Variants in TRIM37 observed in about 807,000 individuals in gnomAD.
TRIM37 encodes the protein tripartite motif containing 37, also known as E3 ubiquitin-protein ligase TRIM37.
Under a neutral mutation model 129.8 loss-of-function variants are expected in TRIM37, and 80 were observed. That is an observed-to-expected ratio of 0.62 (90% CI 0.51 to 0.74). The LOEUF is 0.74. Ranked by LOEUF, TRIM37 falls within the 30% of genes least tolerant of loss-of-function variation. The pLI, the probability that TRIM37 is intolerant of heterozygous loss-of-function variation, is 0.00. For missense variants in TRIM37, 1,054 were observed against 1,176.5 expected (o/e 0.90, Z 1.52); for synonymous variants, 389 against 387.1 (o/e 1.00, Z -0.06).
chr17:58,969,249 G>A, the TRIM37 span, among the ~76,000 whole-genome samples: 2 of 152,226 alleles, frequency 1.3e-5, no homozygotes, highest in South Asian at 4.1e-4. Context: ...ATGTACGTGG[G>A]TGGTTTCCAT....
Position 59,101,668 on chromosome 17 carries a change from AAAAAAAAAAAT to A in TRIM37, c.123+2614_123+2624del, listed in dbSNP as rs1359992908. On this transcript the variant is annotated intron_variant, in intron 2 of 23. Transcript: ENST00000262294. ...ACCCCATCTCTACAAAAAAAAAAAA[AAAAAAAAAAAT>A]ATATATATATATATATACACACACA... Among the ~76,000 whole-genome samples the A allele has an allele frequency of 3.3e-3, 396 of 119,066 alleles. 1 individual carries two copies. Among genetic ancestry groups the A allele is most frequent in the African/African-American group, 0.013 (353 of 27,670 alleles). The allele number at this position is 119,066 out of a possible 152,430, so 78.1% of individuals were successfully genotyped here.
chr17:59,084,667 C>T (rs987293005), intron 4 of TRIM37, among the ~76,000 whole-genome samples: 1 of 151,978 alleles, frequency 6.6e-6, no homozygotes, highest in African/African-American at 2.4e-5. Context: ...AAGCCTTAAC[C>T]CCCAGTGTGA....
downstream of TRIM37, among the ~76,000 whole-genome samples, chr17:58,979,673 T>C (rs1342400063): frequency 6.6e-6 from 1 of 152,190 alleles, no homozygotes; most frequent in African/African-American, 2.4e-5. Flanking sequence ...CTTTTAGATC[T>C]GACATTGTTG....
intron 17 of TRIM37, among the ~76,000 whole-genome samples, chr17:59,035,606 T>C (rs2038377291): frequency 6.6e-6 from 1 of 151,616 alleles, no homozygotes; most frequent in Admixed American, 6.6e-5. Flanking sequence ...AAAAATTAGC[T>C]GGCCGTGGTG....
At chr17:59,054,380 C>T (rs9912716) in intron 13 of TRIM37, among the ~76,000 whole-genome samples, 114 of 152,142 alleles carry the variant, frequency 7.5e-4, no homozygotes, top group African/African-American at 2.7e-3. Flanking sequence ...CGGCTCACTG[C>T]AACATCTGCC....
intron 15 of TRIM37, among the ~76,000 whole-genome samples, chr17:59,048,605 C>A (rs7207556): frequency 6.8e-6 from 1 of 147,906 alleles, no homozygotes; most frequent in Non-Finnish European, 1.5e-5. Context: ...TTTTTTTTTT[C>A]TTTTTCTTTG....
intron 18 of TRIM37, among the ~76,000 whole-genome samples, chr17:59,030,191 C>T (rs1230363297): frequency 1.3e-5 from 2 of 152,116 alleles, no homozygotes; most frequent in East Asian, 1.9e-4. Flanking sequence ...CTGCAACCTC[C>T]GACTCCCAGG....
At position 59,032,088 on chromosome 17, in the gene TRIM37, T is replaced by C. The variant is rs2037908343; in HGVS notation, c.1756A>G (p.Ser586Gly). Residue 586 changes from serine (S) to glycine (G), a missense_variant and splice_region_variant, in exon 18 of 24, where the codon AGT (serine) becomes GGT (glycine). Transcript: ENST00000262294. ...CTGGAACCCACATAACCATGGCTACTACCTGCAAAAGAGGCGTAGAAAATG... is the reference window on the plus strand; with the variant it reads ...CTGGAACCCACATAACCATGGCTACCACCTGCAAAAGAGGCGTAGAAAATG... The part of the protein sequence containing the change: ...EDAAAAGPAG[S>G]SHGYVGSSSR... 1.2e-6 allele frequency: 2 copies of C among 1,613,724 alleles called. No homozygotes were observed. The highest frequency in any genetic ancestry group is 3.5e-4 in the Middle Eastern group (2 of 5,748).
chr17:59,021,935 AAT>A (rs1257639129), intron 19 of TRIM37, among the ~76,000 whole-genome samples: 2 of 152,104 alleles, frequency 1.3e-5, no homozygotes, highest in Non-Finnish European at 2.9e-5. Context: ...AAAAATTAAA[AAT>A]ATGAGGAAAC....
chr17:59,018,384 A>C (rs773163678), intron 19 of TRIM37, among the ~76,000 whole-genome samples: 20 of 152,202 alleles, frequency 1.3e-4, no homozygotes, highest in Non-Finnish European at 2.2e-4. Flanking sequence ...TAAAAAATTC[A>C]TTAATAGGTA....
At chr17:58,968,996 T>C in the TRIM37 span, among the ~76,000 whole-genome samples, 2 of 152,192 alleles carry the variant, frequency 1.3e-5, no homozygotes, top group Non-Finnish European at 2.9e-5. Flanking sequence ...GAATGATTTA[T>C]GAAGAAGGTA....
Position 59,079,832 on chromosome 17 carries a change from G to A in TRIM37, c.538C>T (p.Arg180Trp), listed in dbSNP as rs752758559. Reference sequence around the variant, plus strand: ...ATCTCCACTGCATTCCTAATTTCCCGAACACGCTCATCTTTTGCATTTCTT... The same window carrying A: ...ATCTCCACTGCATTCCTAATTTCCCAAACACGCTCATCTTTTGCATTTCTT... ...AVRNAKDERV[R>W]EIRNAVEMMI... The change falls in exon 7 of 24, where the codon CGG (arginine) becomes TGG (tryptophan). Residue 180 changes from arginine (R) to tryptophan (W), a missense_variant. By Grantham distance (101) the Arg-to-Trp change is moderately radical (BLOSUM62 -3). Transcript: ENST00000262294. The A allele has an allele frequency of 5.6e-6, 9 of 1,613,868 alleles. No homozygotes were observed. Among genetic ancestry groups the A allele is most frequent in the Admixed American group, 3.3e-5 (2 of 59,992 alleles).
At chr17:59,032,537 A>AAC (rs1568030672) in intron 17 of TRIM37, among the ~76,000 whole-genome samples, 1 of 150,256 alleles carries the variant, frequency 6.7e-6, no homozygotes, top group Non-Finnish European at 1.5e-5. Context: ...GTCTCAAAAA[A>AAC]AAAAAAAAAA....
At chr17:59,037,557 C>CAAAAAAAAAAAAAAAAAAAAAA (rs58856834) in intron 17 of TRIM37, among the ~76,000 whole-genome samples, 9 of 74,028 alleles carry the variant, frequency 1.2e-4, no homozygotes, top group African/African-American at 3.5e-4. Flanking sequence ...GACTCTGTCT[C>CAAAAAAAAAAAAAAAAAAAAAA]AAAAAAAAAA....
chr17:59,052,371 ATC>A (rs1410503840), intron 13 of TRIM37, among the ~76,000 whole-genome samples: 2 of 152,126 alleles, frequency 1.3e-5, no homozygotes, highest in Admixed American at 6.5e-5. Context: ...GGACATCTAC[ATC>A]TCTCTCATTC....
At chr17:59,001,423 C>CAA (rs1417697011) in intron 23 of TRIM37, among the ~76,000 whole-genome samples, 175 bp downstream of exon 23, 1 of 145,694 alleles carries the variant, frequency 6.9e-6, no homozygotes, top group Non-Finnish European at 1.5e-5. Context: ...AATAGTTAAC[C>CAA]AAAGAATGTT....
chr17:59,085,468 T>C (rs543483947), intron 4 of TRIM37, among the ~76,000 whole-genome samples: 2 of 152,296 alleles, frequency 1.3e-5, no homozygotes, highest in South Asian at 2.1e-4. Context: ...TCATTACTAC[T>C]AATCACTAGA....
intron 3 of TRIM37, 58 bp from the exon 4 acceptor site, chr17:59,088,465 AT>A (rs1283410721): frequency 2.9e-6 from 3 of 1,051,192 alleles, no homozygotes; most frequent in Non-Finnish European, 4.5e-6. Context: ...ATTTTATAAA[AT>A]AAATACGTTT....
chr17:59,063,052 A>C (rs1452110721), intron 10 of TRIM37, among the ~76,000 whole-genome samples: 2 of 152,230 alleles, frequency 1.3e-5, no homozygotes, highest in Admixed American at 1.3e-4. Context: ...TTGAAGAACA[A>C]GAGTACACTA....
Sources: allele counts gnomAD v4.1 joint callset (sites outside exome capture counted in the v4.1 genomes callset), GRCh38; gene constraint gnomAD v4.1.1; transcripts MANE v1.5; gene names NCBI Gene and HGNC (gene_info 2026-07-23, HGNC 2026-07-21).